The following LAMA3 variants were observed in gnomAD, a reference collection of about 807,000 sequenced individuals.
LAMA3 encodes laminin subunit alpha 3.
LAMA3 carries 281 observed loss-of-function variants against 402.0 expected under a neutral mutation model. That is an observed-to-expected ratio of 0.70 (90% confidence interval 0.63 to 0.77). The LOEUF (loss-of-function observed/expected upper bound fraction) is 0.77. Ranked by LOEUF, LAMA3 falls within the 30% of genes least tolerant of loss-of-function variation. The pLI is 0.00. For synonymous variants in LAMA3, 1,431 were observed against 1,558.4 expected (o/e 0.92, Z 1.93); for missense variants, 3,840 against 4,215.5 (o/e 0.91, Z 2.47).
At chr18:23,730,368 CTTTTTTTTT>C (rs11362144) in intron 2 of LAMA3, among the ~76,000 whole-genome samples, 1 of 118,652 alleles carries the variant, frequency 8.4e-6, no homozygotes, top group Non-Finnish European at 1.9e-5. Flanking sequence ...CTTTTTCTTT[CTTTTTTTTT>C]TTTTTTTTTG....
Position 23,713,986 on chromosome 18 carries a change from G to A in LAMA3, c.361G>A (p.Asp121Asn), listed in dbSNP as rs2061045790. 3.7e-6 allele frequency: 6 copies of A among 1,613,052 alleles called. No individual in the cohort carries two copies. Among genetic ancestry groups the A allele is most frequent in the Middle Eastern group, 3.3e-4 (2 of 6,062 alleles). Residue 121 changes from aspartate to asparagine, a missense_variant, in exon 2 of 75, where the codon GAT (aspartate) becomes AAT (asparagine). Transcript: ENST00000313654. ...RKAHPVTNAI[D>N]GSERWWQSPP... ...AGCACATCCTGTCACCAATGCCATC[G>A]ATGGATCTGAACGTTGGTGGCAAAG... is the stretch of plus-strand genomic sequence containing the variant.
intron 20 of LAMA3, among the ~76,000 whole-genome samples, chr18:23,824,211 C>T (rs944960080): frequency 3.3e-5 from 5 of 152,084 alleles, no homozygotes; most frequent in African/African-American, 1.2e-4. Flanking sequence ...GTGTAGATAG[C>T]CATTGCTGAT....
chr18:23,858,273 A>G (rs1157606638), intron 33 of LAMA3, among the ~76,000 whole-genome samples: 1 of 152,194 alleles, frequency 6.6e-6, no homozygotes, highest in Admixed American at 6.5e-5. Context: ...CATGAGGTTC[A>G]TAGGTTCACC....
At chr18:23,836,352 A>T (rs2063581124) in intron 24 of LAMA3, among the ~76,000 whole-genome samples, 1 of 152,240 alleles carries the variant, frequency 6.6e-6, no homozygotes, top group African/African-American at 2.4e-5. Flanking sequence ...AATTTGCAAC[A>T]GAGTATGAAG....
At position 23,846,414 on chromosome 18, in the gene LAMA3, C is replaced by A. The variant is rs1392435764; in HGVS notation, c.3837C>A (p.Ser1279Arg). The change falls in exon 31 of 75, where the codon AGC (serine) becomes AGA (arginine). Residue 1279 changes from serine to arginine, a missense_variant. By Grantham distance (110) the Ser-to-Arg change is moderately radical (BLOSUM62 -1). This residue lies in a region of LAMA3 where 2,109 missense variants were observed against 2,376.0 expected (regional missense o/e 0.89). Transcript: ENST00000313654. ...CTGGGGCCACCGGCCCTCACTGCAGCCCTGAGGGTGGGCAGTGCCCATGCC... is the reference window on the plus strand; with the variant it reads ...CTGGGGCCACCGGCCCTCACTGCAGACCTGAGGGTGGGCAGTGCCCATGCC... ...HPTGATGPHCSPEGGQCPCQP... is the reference protein window; with the variant it reads ...HPTGATGPHCRPEGGQCPCQP... 1.4e-5 allele frequency: 22 copies of A among 1,613,912 alleles called. No individual in the cohort carries two copies.
chr18:23,710,307 T>A (rs2145892895), intron 1 of LAMA3: 7 of 485,886 alleles, frequency 1.4e-5, no homozygotes, highest in South Asian at 1.3e-4. Context: ...AGACCGCAAG[T>A]TTGATTTTCA....
intron 24 of LAMA3, among the ~76,000 whole-genome samples, chr18:23,834,992 G>T (rs1195857108): frequency 2.6e-5 from 4 of 152,204 alleles, no homozygotes; most frequent in Non-Finnish European, 5.9e-5. Flanking sequence ...GAAGGTAATT[G>T]TATTTGGAGT....
At chr18:23,935,536 G>A (rs1332645012) in intron 67 of LAMA3, among the ~76,000 whole-genome samples, 1 of 152,196 alleles carries the variant, frequency 6.6e-6, no homozygotes, top group Non-Finnish European at 1.5e-5. Context: ...CAGCTTAGTG[G>A]TTAAGTACTG....
intron 17 of LAMA3, 73 bp from the exon 18 acceptor site, chr18:23,816,315 T>A: frequency 8.6e-7 from 1 of 1,162,020 alleles, no homozygotes. Context: ...AGTTTTCCTT[T>A]CTTGTACAGC....
chr18:23,771,541 C>T (rs2062198450), intron 8 of LAMA3, among the ~76,000 whole-genome samples: 1 of 152,096 alleles, frequency 6.6e-6, no homozygotes, highest in East Asian at 1.9e-4. Flanking sequence ...AATAGTTTTG[C>T]ACTTATAAGT....
chr18:23,836,139 A>T (rs961812124), intron 24 of LAMA3, among the ~76,000 whole-genome samples: 6 of 148,652 alleles, frequency 4.0e-5, no homozygotes, highest in Non-Finnish European at 7.5e-5. Context: ...ACACACACAC[A>T]CACTCACATA....
chr18:23,881,411 G>T (rs1231433616), intron 39 of LAMA3, among the ~76,000 whole-genome samples: 1 of 152,102 alleles, frequency 6.6e-6, no homozygotes, highest in Non-Finnish European at 1.5e-5. Context: ...TCATTGTTAG[G>T]TGAACCGTGA....
chr18:23,951,612 G>T, intron 72 of LAMA3, 72 bp from the exon 73 acceptor site: 1 of 1,210,820 alleles, frequency 8.3e-7, no homozygotes, highest in Non-Finnish European at 1.2e-6. Context: ...GGTTTGGGGA[G>T]GGAAGATGGC....
At chr18:23,884,628 G>T in intron 40 of LAMA3, 145 bp from the exon 41 acceptor site, 1 of 757,010 alleles carries the variant, frequency 1.3e-6, no homozygotes, top group Non-Finnish European at 2.3e-6. Flanking sequence ...TCCAAGTCTT[G>T]ATGGGCAAAA....
At chr18:23,716,700 G>A (rs2061106693) in intron 2 of LAMA3, among the ~76,000 whole-genome samples, 2 of 152,180 alleles carry the variant, frequency 1.3e-5, no homozygotes, top group African/African-American at 4.8e-5. Flanking sequence ...CGTGAGTCAT[G>A]GCATGCATAT....
chr18:23,898,642 TTGCCAAA>T lies in LAMA3; in HGVS notation c.5614-93_5614-87del, dbSNP rs2080959395. On this transcript the variant is annotated intron_variant, in intron 44 of 74. Transcript: ENST00000313654. ...TGTGTGTGTGGAACTGAAAATGGTCTTGCCAAATGATTCTTCATTTATAACCCTGTTG... is the reference window on the plus strand; with the variant it reads ...TGTGTGTGTGGAACTGAAAATGGTCTTGATTCTTCATTTATAACCCTGTTG... The T allele has an allele frequency of 1.3e-5, 10 of 792,268 alleles. No homozygotes were observed. The South Asian group carries it at 1.4e-4, about 11-fold the overall frequency. The allele number at this position is 792,268 out of a possible 1,614,324, so 49.1% of individuals were successfully genotyped here. A position where few individuals can be genotyped will look rare whatever the true frequency, so the allele number is the denominator to read the frequency against.
chr18:23,842,363 T>A (rs776236883), intron 27 of LAMA3, 32 bp from the exon 28 acceptor site: 15 of 1,613,918 alleles, frequency 9.3e-6, no homozygotes, highest in African/African-American at 1.3e-5. Flanking sequence ...TGAGGGTTTT[T>A]AATTTTTTTT....
intron 1 of LAMA3, chr18:23,709,921 C>G: frequency 1.4e-6 from 1 of 715,260 alleles, no homozygotes; most frequent in Non-Finnish European, 2.6e-6. Flanking sequence ...AGGGTGTTGA[C>G]TTTGGCCACA....
chr18:23,704,198 C>T (rs2060843474), intron 1 of LAMA3, among the ~76,000 whole-genome samples: 1 of 152,210 alleles, frequency 6.6e-6, no homozygotes, highest in African/African-American at 2.4e-5. Flanking sequence ...TGAACCTCTG[C>T]CAGACAGATT....
Sources: allele counts gnomAD v4.1 joint callset (sites outside exome capture counted in the v4.1 genomes callset), GRCh38; gene constraint gnomAD v4.1.1; regional missense constraint gnomAD v4.1.1; transcripts MANE v1.5; gene names NCBI Gene and HGNC (gene_info 2026-07-23, HGNC 2026-07-21).